The following PCDHGA1 variants were observed in gnomAD, a reference collection of about 807,000 sequenced individuals.
The protein encoded by PCDHGA1 is protocadherin gamma subfamily A, 1.
Under a neutral mutation model 58.0 loss-of-function variants are expected in PCDHGA1, and 32 were observed. That is an observed-to-expected ratio of 0.55 (90% CI 0.42 to 0.74). PCDHGA1 has a LOEUF of 0.74. PCDHGA1 is among the 30% of genes least tolerant of loss of function. The pLI, the probability that PCDHGA1 is intolerant of heterozygous loss-of-function variation, is 0.00. For missense variants in PCDHGA1, 1,205 were observed against 1,182.3 expected, an observed-to-expected ratio of 1.02 and a Z score of -0.28; for synonymous variants, 498 against 501.1, an observed-to-expected ratio of 0.99 and a Z score of 0.08.
At chr5:141,345,890 G>T (rs532588683) in intron 1 of PCDHGA1, 2 of 1,613,352 alleles carry the variant, frequency 1.2e-6, no homozygotes, top group Non-Finnish European at 1.7e-6. Context: ...TCTTCTCGGT[G>T]GGTCTGCACA....
chr5:141,404,047 A>G, intron 1 of PCDHGA1: 1 of 1,613,860 alleles, frequency 6.2e-7, no homozygotes, highest in Non-Finnish European at 8.5e-7. Context: ...AGGGAACAGT[A>G]ATTCTTCTTT....
rs182132552 is a variant in PCDHGA1 at position 141,435,146 on chromosome 5, T to A, written c.2422-59661T>A. Among the ~76,000 whole-genome samples the A allele has an allele frequency of 4.6e-3, 696 of 152,288 alleles. 5 individuals carry two copies. Among genetic ancestry groups the A allele is most frequent in the African/African-American group, 0.016 (677 of 41,554 alleles). ...ATGGAAAATATAAATAAAATTGTGA[T>A]AAACTTTTGTAAATAGAGTGGCTTT... On this transcript the variant is annotated intron_variant, in intron 1 of 3. Transcript: ENST00000517417.
chr5:141,409,862 G>A (rs1359567076), intron 1 of PCDHGA1: 19 of 1,612,352 alleles, frequency 1.2e-5, no homozygotes, highest in Non-Finnish European at 1.5e-5. Flanking sequence ...GTTGGTGGGA[G>A]ACCGCAATGA....
At chr5:141,358,418 G>C (rs1391552401) in intron 1 of PCDHGA1, among the ~76,000 whole-genome samples, 1 of 152,090 alleles carries the variant, frequency 6.6e-6, no homozygotes, top group African/African-American at 2.4e-5. Context: ...CCTTGAAAGG[G>C]TATTTTCCAT....
intron 1 of PCDHGA1, chr5:141,421,577 T>C (rs1385519860): frequency 1.4e-5 from 22 of 1,613,748 alleles, no homozygotes; most frequent in Non-Finnish European, 1.5e-5. Context: ...ACCTTGAAGA[T>C]TTACGGAGTG....
intron 1 of PCDHGA1, chr5:141,392,842 G>A: frequency 6.2e-7 from 1 of 1,609,312 alleles, no homozygotes. Flanking sequence ...CGCCCCAGAC[G>A]CGGCGAGCTG....
At chr5:141,421,147 G>A in intron 1 of PCDHGA1, 1 of 1,019,036 alleles carries the variant, frequency 9.8e-7, no homozygotes, top group South Asian at 1.7e-5. Context: ...GGATGTAGTC[G>A]GCCTAGGACT....
Position 141,489,629 on chromosome 5 carries a change from C to G in PCDHGA1, c.2422-5178C>G. 6.2e-7 allele frequency: 1 copy of G among 1,614,142 alleles called. No individual in the cohort carries two copies. The highest frequency in any genetic ancestry group is 8.5e-7 in the Non-Finnish European group (1 of 1,180,014). On this transcript the variant is annotated intron_variant, in intron 1 of 3. Coordinates refer to ENST00000517417, the MANE Select transcript of PCDHGA1 (RefSeq NM_018912.3). The surrounding 1 kb of genome is among the most constrained non-coding windows in gnomAD (Gnocchi z 4.5). Reference sequence around the variant, plus strand: ...GAGATCCTGGATCTCAATGACAACTCTCCTAGCTTTGCCACCCCTGAGCGA... The same window carrying G: ...GAGATCCTGGATCTCAATGACAACTGTCCTAGCTTTGCCACCCCTGAGCGA...
At chr5:141,455,330 G>T (rs2098819667) in intron 1 of PCDHGA1, among the ~76,000 whole-genome samples, 1 of 152,042 alleles carries the variant, frequency 6.6e-6, no homozygotes, top group South Asian at 2.1e-4. Context: ...GTGTGTTTGT[G>T]GTTTTAAGGA....
chr5:141,455,876 TTTA>T (rs1271603055), intron 1 of PCDHGA1, among the ~76,000 whole-genome samples: 2 of 146,624 alleles, frequency 1.4e-5, no homozygotes, highest in Non-Finnish European at 1.5e-5. Context: ...TATTTATTTA[TTTA>T]TTTATTTATT....
intron 1 of PCDHGA1, among the ~76,000 whole-genome samples, chr5:141,369,647 A>G (rs987289952): frequency 1.3e-5 from 2 of 152,064 alleles, no homozygotes; most frequent in Admixed American, 6.6e-5. Context: ...TTTTGGGGGG[A>G]GATAATAAAG....
intron 1 of PCDHGA1, chr5:141,399,573 A>T (rs1431985190): frequency 6.2e-7 from 1 of 1,614,020 alleles, no homozygotes; most frequent in Admixed American, 1.7e-5. Flanking sequence ...TGAACGGCCA[A>T]GTCTCCTACT....
intron 1 of PCDHGA1, chr5:141,338,910 A>G: frequency 6.7e-7 from 1 of 1,502,618 alleles, no homozygotes; most frequent in East Asian, 2.3e-5. Context: ...CCTGAGGAAT[A>G]AAGATTGGAA....
At chr5:141,423,256 G>A (rs751894091) in intron 1 of PCDHGA1, 3 of 1,613,816 alleles carry the variant, frequency 1.9e-6, no homozygotes, top group South Asian at 2.2e-5. Context: ...GGCGGACCTC[G>A]GCAGCCTCGA....
At position 141,338,884 on chromosome 5, in the gene PCDHGA1, G is replaced by A. The variant is rs939146397; in HGVS notation, c.2421+5779G>A. 9 of 1,462,850 alleles carry A rather than the reference G, an allele frequency of 6.2e-6. No homozygotes were observed. The African/African-American group carries it at 1.1e-4, about 18-fold the overall frequency. The allele number at this position is 1,462,850 out of a possible 1,614,324, so 90.6% of individuals were successfully genotyped here. A position where few individuals can be genotyped will look rare whatever the true frequency, so the allele number is the denominator to read the frequency against. ...CCATAGGGACCTGGGTCCCGTGAAT[G>A]CTGGTTATCTCACACCCTGAGGAAT... On this transcript the variant is annotated intron_variant, in intron 1 of 3. Coordinates refer to ENST00000517417, the MANE Select transcript of PCDHGA1 (RefSeq NM_018912.3).
intron 1 of PCDHGA1, chr5:141,408,684 A>G (rs1660685979): frequency 6.2e-7 from 1 of 1,613,862 alleles, no homozygotes; most frequent in African/African-American, 1.3e-5. Context: ...ACGGATCCTG[A>G]TATAAACATA....
At chr5:141,504,240 G>A (rs1275204117) in intron 2 of PCDHGA1, among the ~76,000 whole-genome samples, 1 of 152,182 alleles carries the variant, frequency 6.6e-6, no homozygotes, top group Non-Finnish European at 1.5e-5. Context: ...AAGAAGCAGA[G>A]AGTTCTTCTT....
chr5:141,410,080 G>A (rs758499736), intron 1 of PCDHGA1: 2 of 1,612,672 alleles, frequency 1.2e-6, no homozygotes, highest in African/African-American at 2.7e-5. Context: ...CTGGGGAGGT[G>A]CGCACGGCTC....
At position 141,395,259 on chromosome 5, in the gene PCDHGA1, C is replaced by T. The variant is rs1042867033; in HGVS notation, c.2421+62154C>T. ...TCAGGTGAGTTTAGTTCTTTGCTTG[C>T]TTTTAATTTCCAGATGAATTTTATT... On this transcript the variant is annotated intron_variant, in intron 1 of 3. Transcript: ENST00000517417. The T allele has an allele frequency of 3.2e-6, 5 of 1,551,850 alleles. No homozygotes were observed. In the Admixed American group the frequency reaches 1.0e-4, roughly 32 times the overall value.
Sources: gnomAD v4.1 joint callset for allele counts (sites outside exome capture counted in the v4.1 genomes callset) on GRCh38, gnomAD v4.1.1 for gene constraint, Gnocchi (gnomAD v3.1) non-coding constraint, MANE v1.5 for transcripts, NCBI Gene and HGNC (gene_info 2026-07-23, HGNC 2026-07-21) for gene names.